The following LEKR1 variants were observed in gnomAD, a reference collection of about 807,000 sequenced individuals.
The protein encoded by LEKR1 is leucine, glutamate and lysine rich 1, also known as protein LEKR1.
Under a neutral mutation model 72.4 loss-of-function variants are expected in LEKR1, and 59 were observed. That is an observed-to-expected ratio of 0.82 (90% confidence interval 0.66 to 1.01). The LOEUF (loss-of-function observed/expected upper bound fraction) is 1.01. Ranked by LOEUF, LEKR1 falls within the 50% of genes least tolerant of loss-of-function variation. The pLI is 0.00. For synonymous variants in LEKR1, 257 were observed against 263.2 expected, an observed-to-expected ratio of 0.98 and a Z score of 0.23; for missense variants, 728 against 759.2, an observed-to-expected ratio of 0.96 and a Z score of 0.48.
intron 3 of LEKR1, chr3:156,888,356 G>T (rs576407098): frequency 1.4e-6 from 1 of 702,134 alleles, no homozygotes; most frequent in East Asian, 2.7e-5. Context: ...CTGAAAGAAC[G>T]AATGCCAGAT....
intron 7 of LEKR1, among the ~76,000 whole-genome samples, chr3:156,990,694 G>A (rs544688043): frequency 4.6e-5 from 7 of 152,152 alleles, no homozygotes; most frequent in Admixed American, 2.6e-4. Context: ...TTGGTGCTCC[G>A]ATTGTTCTAG....
intron 6 of LEKR1, among the ~76,000 whole-genome samples, chr3:156,954,726 T>C (rs1309000029): frequency 6.6e-6 from 1 of 152,136 alleles, no homozygotes. Flanking sequence ...ATGTCTGTTT[T>C]TGTACTGGTA....
At chr3:156,935,415 T>C (rs1725600530) in intron 5 of LEKR1, among the ~76,000 whole-genome samples, 1 of 152,194 alleles carries the variant, frequency 6.6e-6, no homozygotes, top group East Asian at 1.9e-4. Flanking sequence ...AGGGCATGGA[T>C]GTACAAACAT....
At chr3:156,952,508 A>T (rs986128351) in intron 6 of LEKR1, among the ~76,000 whole-genome samples, 4 of 151,496 alleles carry the variant, frequency 2.6e-5, no homozygotes, top group African/African-American at 9.7e-5. Context: ...AGATCAATAA[A>T]AAACGAAACT....
At chr3:156,980,192 A>C (rs759957736) in intron 7 of LEKR1, among the ~76,000 whole-genome samples, 3 of 152,106 alleles carry the variant, frequency 2.0e-5, no homozygotes, top group Non-Finnish European at 4.4e-5. Flanking sequence ...AGGAGGATGA[A>C]CCTCATAAAA....
intron 11 of LEKR1, among the ~76,000 whole-genome samples, chr3:157,026,835 G>A (rs1734224140): frequency 6.6e-6 from 1 of 152,132 alleles, no homozygotes; most frequent in South Asian, 2.1e-4. Flanking sequence ...TTGTTTCGTT[G>A]TTTTGTTTCT....
intron 6 of LEKR1, among the ~76,000 whole-genome samples, chr3:156,950,297 T>C (rs1238117945): frequency 1.3e-5 from 2 of 151,756 alleles, no homozygotes; most frequent in African/African-American, 2.4e-5. Flanking sequence ...TTCTTTTTGC[T>C]TAGGATTTCC....
chr3:157,009,205 G>A (rs189531508), intron 9 of LEKR1, among the ~76,000 whole-genome samples: 35 of 152,128 alleles, frequency 2.3e-4, no homozygotes, highest in African/African-American at 8.4e-4. Context: ...ATAAAAATAA[G>A]TAAAATCAAT....
intron 6 of LEKR1, among the ~76,000 whole-genome samples, chr3:156,969,839 A>G (rs1434566661): frequency 1.3e-5 from 2 of 152,212 alleles, no homozygotes; most frequent in African/African-American, 4.8e-5. Flanking sequence ...TTTTCGACCA[A>G]TATCCCTGAT....
chr3:156,881,055 C>A (rs1240287328), intron 3 of LEKR1, among the ~76,000 whole-genome samples: 1 of 152,144 alleles, frequency 6.6e-6, no homozygotes, highest in Non-Finnish European at 1.5e-5. Context: ...ACTGAATGGG[C>A]AAAAACTGGA....
intron 6 of LEKR1, among the ~76,000 whole-genome samples, chr3:156,973,340 A>T (rs1032085496): frequency 3.9e-5 from 6 of 152,096 alleles, no homozygotes; most frequent in African/African-American, 1.4e-4. Flanking sequence ...TAAGTATTCC[A>T]CATTTATTAG....
chr3:156,889,870 T>TA (rs1364033681), intron 3 of LEKR1, among the ~76,000 whole-genome samples: 1 of 152,134 alleles, frequency 6.6e-6, no homozygotes, highest in East Asian at 1.9e-4. Context: ...AATCAAAAGG[T>TA]AAAAAATCAG....
At chr3:156,835,050 GTTGTAAGA>G (rs1410361048) in intron 2 of LEKR1, among the ~76,000 whole-genome samples, 1 of 152,192 alleles carries the variant, frequency 6.6e-6, no homozygotes, top group African/African-American at 2.4e-5. Context: ...GGATCTGGTA[GTTGTAAGA>G]TTTTTTTGTT....
chr3:157,020,774 G>C (rs1226597000), intron 10 of LEKR1, among the ~76,000 whole-genome samples: 3 of 151,898 alleles, frequency 2.0e-5, no homozygotes, highest in Admixed American at 2.0e-4. Flanking sequence ...CATGATTTAT[G>C]GTCCTTTGGG....
chr3:156,986,827 G>A (rs1730730799), intron 7 of LEKR1, among the ~76,000 whole-genome samples: 1 of 152,168 alleles, frequency 6.6e-6, no homozygotes, highest in Non-Finnish European at 1.5e-5. Flanking sequence ...TTCATTTACT[G>A]AAGTGGGAAA....
At chr3:156,843,825 A>ATATG (rs762858428) in intron 2 of LEKR1, among the ~76,000 whole-genome samples, 1 of 149,096 alleles carries the variant, frequency 6.7e-6, no homozygotes, top group Non-Finnish European at 1.5e-5. Flanking sequence ...GAAAGTTGTG[A>ATATG]TGTGTGTGTG....
At chr3:157,022,949 C>T (rs1733944510) in intron 10 of LEKR1, among the ~76,000 whole-genome samples, 1 of 152,216 alleles carries the variant, frequency 6.6e-6, no homozygotes, top group Non-Finnish European at 1.5e-5. Flanking sequence ...TCCCTTAAGG[C>T]AGATGCTTAG....
intron 12 of LEKR1, among the ~76,000 whole-genome samples, chr3:157,044,338 A>G (rs1243295255): frequency 2.0e-5 from 3 of 152,246 alleles, no homozygotes; most frequent in Non-Finnish European, 4.4e-5. Context: ...CCAAGACTTA[A>G]TTCTTACCAT....
chr3:156,969,061 A>T (rs1352066096), intron 6 of LEKR1, among the ~76,000 whole-genome samples: 1 of 152,204 alleles, frequency 6.6e-6, no homozygotes. Context: ...AGAAATAAAG[A>T]TGTTCTTTGA....
Sources: gnomAD v4.1 joint callset for allele counts (sites outside exome capture counted in the v4.1 genomes callset) on GRCh38, gnomAD v4.1.1 for gene constraint, MANE v1.5 for transcripts, NCBI Gene and HGNC (gene_info 2026-07-23, HGNC 2026-07-21) for gene names.